The following EXD3 variants were observed in gnomAD, a reference collection of about 807,000 sequenced individuals.
EXD3 encodes the protein exonuclease 3'-5' domain containing 3.
Under a neutral mutation model 98.0 loss-of-function variants are expected in EXD3, and 92 were observed. The ratio of observed to expected loss-of-function variants is 0.94; its 90% CI spans 0.79 to 1.12. The LOEUF is 1.12. Ranked by LOEUF, EXD3 falls within the 50% of genes most tolerant of loss-of-function variation. EXD3 has a pLI of 0.00. For synonymous variants in EXD3, 569 were observed against 526.0 expected (o/e 1.08, Z -1.12); for missense variants, 1,222 against 1,191.6 (o/e 1.03, Z -0.38).
intron 17 of EXD3, among the ~76,000 whole-genome samples, chr9:137,344,622 A>G (rs7851813): frequency 1 from 152,337 of 152,370 alleles, 76,152 homozygotes; most frequent in Middle Eastern, 1. Flanking sequence ...ACTTTTGGGA[A>G]TGATCACTTA....
chr9:137,374,872 T>G, intron 3 of EXD3: 1 of 985,408 alleles, frequency 1.0e-6, no homozygotes, highest in Non-Finnish European at 1.2e-6. Flanking sequence ...CCCTAGTGAG[T>G]TCTAACTCTA....
chr9:137,416,196 G>A (rs979242474), intron 1 of EXD3, among the ~76,000 whole-genome samples: 3 of 152,174 alleles, frequency 2.0e-5, no homozygotes, highest in Admixed American at 2.0e-4. Flanking sequence ...CTTCTGCAGT[G>A]CCTGAGGGCC....
chr9:137,394,550 C>T (rs1301632467), intron 2 of EXD3, among the ~76,000 whole-genome samples: 1 of 151,226 alleles, frequency 6.6e-6, no homozygotes, highest in African/African-American at 2.4e-5. Context: ...TCCCAGCCTC[C>T]GCTTCCCTAA....
intron 1 of EXD3, among the ~76,000 whole-genome samples, chr9:137,420,406 C>T (rs1263171592): frequency 2.6e-5 from 4 of 152,094 alleles, no homozygotes; most frequent in East Asian, 1.9e-4. Context: ...AATCTGGAAG[C>T]GATTCATGAG....
At chr9:137,417,645 G>T (rs1236304847) in intron 1 of EXD3, among the ~76,000 whole-genome samples, 1 of 152,192 alleles carries the variant, frequency 6.6e-6, no homozygotes, top group Admixed American at 6.5e-5. Flanking sequence ...ACGGCCGAGC[G>T]GAGGAGGAGG....
At chr9:137,344,229 CTCTAAA>C (rs1833809827) in intron 17 of EXD3, among the ~76,000 whole-genome samples, 1 of 152,182 alleles carries the variant, frequency 6.6e-6, no homozygotes, top group African/African-American at 2.4e-5. Flanking sequence ...CCCTTAGTGT[CTCTAAA>C]TCTAATAATG....
chr9:137,408,546 C>CGAA (rs1554739803), intron 1 of EXD3, among the ~76,000 whole-genome samples: 2 of 44,510 alleles, frequency 4.5e-5, no homozygotes, highest in African/African-American at 2.1e-4. Flanking sequence ...GACTCTGCCT[C>CGAA]AAAAAAAAAA....
chr9:137,335,265 AAAG>A (rs1833295252), intron 17 of EXD3, among the ~76,000 whole-genome samples: 1 of 152,182 alleles, frequency 6.6e-6, no homozygotes. Flanking sequence ...ACATTTCTCA[AAAG>A]AAGATATACA....
chr9:137,418,141 G>A (rs934787947), intron 1 of EXD3, among the ~76,000 whole-genome samples: 1 of 152,206 alleles, frequency 6.6e-6, no homozygotes, highest in South Asian at 2.1e-4. Flanking sequence ...GAGGTCAGGA[G>A]TTCCAGACCA....
At chr9:137,418,834 T>C (rs1838369387) in intron 1 of EXD3, among the ~76,000 whole-genome samples, 1 of 152,108 alleles carries the variant, frequency 6.6e-6, no homozygotes, top group African/African-American at 2.4e-5. Flanking sequence ...GTAGGTCTAT[T>C]GATTGCTTGG....
chr9:137,422,357 G>C (rs914138408), intron 1 of EXD3, among the ~76,000 whole-genome samples: 2 of 152,152 alleles, frequency 1.3e-5, no homozygotes, highest in East Asian at 3.9e-4. Context: ...TTGATGTTAA[G>C]TGCCAGAAAG....
chr9:137,358,693 A>C (rs1053558870), intron 7 of EXD3, among the ~76,000 whole-genome samples: 21 of 152,234 alleles, frequency 1.4e-4, no homozygotes, highest in Admixed American at 2.6e-4. Context: ...TTTTAAAATT[A>C]AATGTATATA....
chr9:137,373,733 C>A, intron 3 of EXD3, 134 bp from the exon 4 acceptor site: 1 of 981,884 alleles, frequency 1.0e-6, no homozygotes, highest in African/African-American at 1.6e-5. Context: ...CCGCCATCTG[C>A]GCCTCCGTGA....
At chr9:137,404,478 T>C (rs1474753347) in intron 1 of EXD3, among the ~76,000 whole-genome samples, 1 of 152,232 alleles carries the variant, frequency 6.6e-6, no homozygotes, top group Non-Finnish European at 1.5e-5. Context: ...TGCTTTTTAT[T>C]GCCTCAGCTG....
At chr9:137,401,793 C>T (rs551069835) in intron 1 of EXD3, among the ~76,000 whole-genome samples, 10 of 152,296 alleles carry the variant, frequency 6.6e-5, no homozygotes, top group South Asian at 4.1e-4. Context: ...TTTTTCCTCC[C>T]GGGCCTCCAG....
At chr9:137,319,005 A>G (rs1831875106) in intron 19 of EXD3, among the ~76,000 whole-genome samples, 1 of 152,240 alleles carries the variant, frequency 6.6e-6, no homozygotes, top group South Asian at 2.1e-4. Context: ...CGGCACCAAA[A>G]TAGCAGAAGG....
intron 1 of EXD3, among the ~76,000 whole-genome samples, chr9:137,400,500 T>C (rs1837423733): frequency 6.6e-6 from 1 of 152,142 alleles, no homozygotes; most frequent in Non-Finnish European, 1.5e-5. Flanking sequence ...GCATGGTGGC[T>C]CATTCTTATA....
At chr9:137,333,961 G>C (rs1318410145) in intron 17 of EXD3, among the ~76,000 whole-genome samples, 1 of 151,810 alleles carries the variant, frequency 6.6e-6, no homozygotes, top group East Asian at 1.9e-4. Flanking sequence ...TCCTGCCTCA[G>C]CCTCCCGAGT....
intron 1 of EXD3, among the ~76,000 whole-genome samples, chr9:137,396,586 G>A (rs543268969): frequency 2.6e-5 from 4 of 152,236 alleles, no homozygotes; most frequent in South Asian, 4.1e-4. Flanking sequence ...TGACAGCTCC[G>A]CCCAGGCAGG....
Sources: gnomAD v4.1 joint callset for allele counts (sites outside exome capture counted in the v4.1 genomes callset) on GRCh38, gnomAD v4.1.1 for gene constraint, MANE v1.5 for transcripts, NCBI Gene and HGNC (gene_info 2026-07-23, HGNC 2026-07-21) for gene names.